The following RAPGEF6 variants were observed in gnomAD, a reference collection of about 807,000 sequenced individuals.
The protein encoded by RAPGEF6 is PDZ domain containing guanine nucleotide exchange factor (GEF) 2.
RAPGEF6 carries 56 observed loss-of-function variants against 171.4 expected under a neutral mutation model. The ratio of observed to expected loss-of-function variants is 0.33; its 90% CI spans 0.26 to 0.41. The LOEUF is 0.41. Among genes scored for constraint, RAPGEF6 ranks in the 10% least tolerant of loss-of-function variants. The pLI is 1.00. For missense variants in RAPGEF6, 1,674 were observed against 1,921.4 expected (o/e 0.87, Z 2.41); for synonymous variants, 692 against 650.1 (o/e 1.06, Z -0.98).
At chr5:131,594,127 C>T (rs528060783) in intron 3 of RAPGEF6, among the ~76,000 whole-genome samples, 3 of 152,380 alleles carry the variant, frequency 2.0e-5, no homozygotes, top group Non-Finnish European at 2.9e-5. Context: ...GCCCAGGACC[C>T]TGCTACTCTG....
chr5:131,480,211 C>T (rs1049265094), intron 15 of RAPGEF6, among the ~76,000 whole-genome samples: 2 of 151,996 alleles, frequency 1.3e-5, no homozygotes, highest in East Asian at 1.9e-4. Context: ...TTCAACCAAA[C>T]GTGGATTGAA....
chr5:131,607,575 G>A (rs1039268982), intron 1 of RAPGEF6, among the ~76,000 whole-genome samples: 2 of 152,200 alleles, frequency 1.3e-5, no homozygotes, highest in Admixed American at 6.5e-5. Context: ...TCATAACACA[G>A]TCAGTGGGGG....
chr5:131,544,662 G>T (rs879497069), intron 6 of RAPGEF6, among the ~76,000 whole-genome samples: 3 of 152,104 alleles, frequency 2.0e-5, no homozygotes, highest in Non-Finnish European at 2.9e-5. Flanking sequence ...TGTCAAAATT[G>T]ATCAAAATCA....
At chr5:131,587,744 G>A (rs1334484339) in intron 4 of RAPGEF6, among the ~76,000 whole-genome samples, 4 of 152,074 alleles carry the variant, frequency 2.6e-5, no homozygotes, top group Non-Finnish European at 4.4e-5. Context: ...TTCCCAAGGT[G>A]AGTCATAGAA....
At chr5:131,510,773 G>C (rs1757666174) in intron 7 of RAPGEF6, among the ~76,000 whole-genome samples, 1 of 152,200 alleles carries the variant, frequency 6.6e-6, no homozygotes. Flanking sequence ...ATTAATATCT[G>C]TTTTCCACCC....
At chr5:131,452,630 ATT>A (rs374349439) in intron 21 of RAPGEF6, among the ~76,000 whole-genome samples, 16 of 140,484 alleles carry the variant, frequency 1.1e-4, no homozygotes, top group South Asian at 2.2e-4. Flanking sequence ...TTGTTTGCTG[ATT>A]TTTTTTTTTT....
intron 5 of RAPGEF6, among the ~76,000 whole-genome samples, chr5:131,559,334 GAAAATA>G (rs1171145179): frequency 3.3e-5 from 5 of 151,846 alleles, no homozygotes; most frequent in Admixed American, 1.3e-4. Context: ...ATCACAAAAT[GAAAATA>G]AAAATAAAAA....
At chr5:131,561,853 T>C (rs1581027478) in intron 5 of RAPGEF6, 125 bp downstream of exon 5, 2 of 699,222 alleles carry the variant, frequency 2.9e-6, no homozygotes, top group South Asian at 1.8e-5. Flanking sequence ...ATAGTTCTGA[T>C]GCTACTTGAT....
chr5:131,435,928 C>G (rs1468307533), intron 24 of RAPGEF6: 1 of 1,505,372 alleles, frequency 6.6e-7, no homozygotes, highest in East Asian at 2.5e-5. Flanking sequence ...AAACTTAACA[C>G]TAAAATTAAA....
rs554037611 is a variant in RAPGEF6 at position 131,459,328 on chromosome 5, G to C, written c.2864+2377C>G. 5.3e-5 allele frequency among the ~76,000 whole-genome samples: 8 copies of C among 152,250 alleles called. No homozygotes were observed. The South Asian group carries it at 1.7e-3, about 32-fold the overall frequency. ...GAATTCAAGATTAATAAAAAATGTT[G>C]TCTAGGGTGTTCTAAGAGCTCTCAT... is the stretch of plus-strand genomic sequence containing the variant. On this transcript the variant is annotated intron_variant, in intron 19 of 27. Coordinates refer to ENST00000509018, the MANE Select transcript of RAPGEF6 (RefSeq NM_016340.6).
At position 131,498,505 on chromosome 5, in the gene RAPGEF6, T is replaced by G. The variant is rs776030769; in HGVS notation, c.1357A>C (p.Ser453Arg). ...FLLTYRTFLE[S>R]PLDVGIKLLE... ...AGTTTGATCCCAACATCCAAAGGACTTTCAAGAAATGTCCTGTAAGTTAAT... is the reference window on the plus strand; with the variant it reads ...AGTTTGATCCCAACATCCAAAGGACGTTCAAGAAATGTCCTGTAAGTTAAT... The change falls in exon 12 of 28, where the codon AGT becomes CGT. Residue 453 changes from serine to arginine, a missense_variant. Around this residue, in one of 3 missense-constraint regions of RAPGEF6, gnomAD observed 1,116 missense variants for 1,321.5 expected, o/e 0.84. Coordinates refer to ENST00000509018, the MANE Select transcript of RAPGEF6 (RefSeq NM_016340.6). 1 of 1,613,748 alleles carries G rather than the reference T, an allele frequency of 6.2e-7. No homozygotes were observed. Among genetic ancestry groups the G allele is most frequent in the Non-Finnish European group, 8.5e-7 (1 of 1,179,878 alleles).
intron 7 of RAPGEF6, among the ~76,000 whole-genome samples, chr5:131,514,532 CGATAAT>C (rs557601678): frequency 2.4e-3 from 364 of 151,650 alleles, no homozygotes; most frequent in African/African-American, 5.9e-3. Context: ...TAAAGAGACT[CGATAAT>C]GATAGAGATA....
chr5:131,557,241 C>T (rs1404586535), intron 5 of RAPGEF6, among the ~76,000 whole-genome samples: 1 of 57,892 alleles, frequency 1.7e-5, no homozygotes, highest in Admixed American at 1.6e-4. Context: ...ATTGTCTCAA[C>T]TGATTTAAAA....
rs545850478 is a variant in RAPGEF6, at chr5:131,543,321, A to T, written c.495+4726T>A. Among the ~76,000 whole-genome samples, 9 of 152,262 alleles carry T rather than the reference A, an allele frequency of 5.9e-5. No homozygotes were observed. The South Asian group carries it at 1.7e-3, about 28-fold the overall frequency. On this transcript the variant is annotated intron_variant, in intron 6 of 27. Transcript: ENST00000509018. The stretch of plus-strand genomic sequence containing the variant: ...TAAATCAAATAAACTGATTAAGTAG[A>T]TATCTTCTGATAAAGAAATTAAATA...
At chr5:131,544,447 C>CA (rs3058500) in intron 6 of RAPGEF6, among the ~76,000 whole-genome samples, 229 of 151,602 alleles carry the variant, frequency 1.5e-3, no homozygotes, top group African/African-American at 5.3e-3. Flanking sequence ...CCCACCCCCC[C>CA]AAAAAAAATC....
chr5:131,560,931 T>G (rs1195314206), intron 5 of RAPGEF6, among the ~76,000 whole-genome samples: 1 of 152,200 alleles, frequency 6.6e-6, no homozygotes, highest in Non-Finnish European at 1.5e-5. Context: ...TTTTGAGCCC[T>G]TACATTAAAA....
chr5:131,441,486 C>G (rs1484344167), intron 23 of RAPGEF6, among the ~76,000 whole-genome samples: 1 of 152,204 alleles, frequency 6.6e-6, no homozygotes, highest in Non-Finnish European at 1.5e-5. Context: ...TTCTTCGTCA[C>G]CAATCTTTTA....
intron 4 of RAPGEF6, among the ~76,000 whole-genome samples, chr5:131,569,062 T>C (rs75112853): frequency 0.027 from 4,050 of 152,176 alleles, 203 homozygotes; most frequent in African/African-American, 0.091. Flanking sequence ...ATACAAAATA[T>C]TGCTGAAAGA....
In RAPGEF6 at chr5:131,570,544, C is replaced by G. The variant is rs1033749081; in HGVS notation, c.282-8497G>C. On this transcript the variant is annotated intron_variant, in intron 4 of 27. Coordinates refer to ENST00000509018, the MANE Select transcript of RAPGEF6 (RefSeq NM_016340.6). ...TTTTTGTGACAGCCCCAAATTAAAACTAAAATTTTCAATTTTTAAAATCTT... is the reference window on the plus strand; with the variant it reads ...TTTTTGTGACAGCCCCAAATTAAAAGTAAAATTTTCAATTTTTAAAATCTT... Among the ~76,000 whole-genome samples, 32 of 152,088 alleles carry G rather than the reference C, an allele frequency of 2.1e-4. No homozygotes were observed. In the Middle Eastern group the frequency reaches 0.01, roughly 48 times the overall value.
Sources: allele counts gnomAD v4.1 joint callset (sites outside exome capture counted in the v4.1 genomes callset), GRCh38; gene constraint gnomAD v4.1.1; regional missense constraint gnomAD v4.1.1; transcripts MANE v1.5; gene names NCBI Gene and HGNC (gene_info 2026-07-23, HGNC 2026-07-21).